Variants in NRXN1 observed in about 807,000 individuals in gnomAD.
NRXN1 encodes the protein neurexin 1.
A neutral mutation model predicts 150.9 loss-of-function variants in NRXN1; 39 were observed. That is an observed-to-expected ratio of 0.26 (90% confidence interval 0.20 to 0.34). The LOEUF (loss-of-function observed/expected upper bound fraction) is 0.34, where lower values mean the gene tolerates loss of function less well. NRXN1 is among the 10% of genes least tolerant of loss of function. The pLI is 1.00. For missense variants in NRXN1, 1,815 were observed against 1,949.9 expected, an observed-to-expected ratio of 0.93 and a Z score of 1.30; for synonymous variants, 924 against 757.0, an observed-to-expected ratio of 1.22 and a Z score of -3.62.
intron 5 of NRXN1, among the ~76,000 whole-genome samples, chr2:50,908,772 A>G (rs1684098446): frequency 6.6e-6 from 1 of 152,018 alleles, no homozygotes; most frequent in Non-Finnish European, 1.5e-5. Flanking sequence ...TTAGGATTAG[A>G]TAAGGTCATC....
intron 8 of NRXN1, among the ~76,000 whole-genome samples, chr2:50,606,267 A>AG (rs1385271008): frequency 6.6e-6 from 1 of 151,188 alleles, no homozygotes; most frequent in Non-Finnish European, 1.5e-5. Context: ...AAAAAAAAAA[A>AG]AAAAGAAGGA....
chr2:50,459,724 T>C (rs2087965345), intron 17 of NRXN1, among the ~76,000 whole-genome samples: 1 of 152,216 alleles, frequency 6.6e-6, no homozygotes, highest in Non-Finnish European at 1.5e-5. Context: ...CTAAGCCATT[T>C]ATTATTTGTA....
At chr2:50,741,540 T>C (rs1518527) in intron 5 of NRXN1, among the ~76,000 whole-genome samples, 4,474 of 152,290 alleles carry the variant, frequency 0.029, 294 homozygotes, top group East Asian at 0.18. Context: ...ATGAATACAA[T>C]TTTAAGTTTT....
chr2:50,109,179 G>A (rs1702049918), intron 18 of NRXN1, among the ~76,000 whole-genome samples: 1 of 152,118 alleles, frequency 6.6e-6, no homozygotes, highest in Admixed American at 6.5e-5. Flanking sequence ...GTCCATAATG[G>A]AAAGAATGAA....
intron 16 of NRXN1, among the ~76,000 whole-genome samples, chr2:50,471,235 T>C (rs2089428008): frequency 6.6e-6 from 1 of 151,778 alleles, no homozygotes; most frequent in African/African-American, 2.4e-5. Context: ...TAGGTGTTTT[T>C]TCATCATTCA....
At chr2:50,853,424 T>A (rs1205939237) in intron 5 of NRXN1, among the ~76,000 whole-genome samples, 4 of 152,136 alleles carry the variant, frequency 2.6e-5, no homozygotes, top group Admixed American at 2.0e-4. Flanking sequence ...TGTATCCATG[T>A]CACAAGTTTC....
At chr2:50,016,412 G>C (rs926258001) in intron 21 of NRXN1, 7 of 152,218 alleles carry the variant, frequency 4.6e-5, no homozygotes, top group Admixed American at 4.6e-4. Context: ...AAGCAGTGGG[G>C]CTATGTATTA....
At chr2:50,993,638 T>G (rs746381077) in intron 2 of NRXN1, among the ~76,000 whole-genome samples, 10 of 151,994 alleles carry the variant, frequency 6.6e-5, no homozygotes, top group Non-Finnish European at 8.8e-5. Flanking sequence ...TGCTAAAATA[T>G]TTTTCATTTC....
intron 8 of NRXN1, chr2:50,619,596 T>C (rs1041464991): frequency 3.7e-6 from 1 of 273,052 alleles, no homozygotes; most frequent in Non-Finnish European, 6.7e-6. Flanking sequence ...TTGAATTACA[T>C]AGTCGTTGCT....
At chr2:51,017,134 T>A (rs1183715006) in intron 2 of NRXN1, among the ~76,000 whole-genome samples, 2 of 151,894 alleles carry the variant, frequency 1.3e-5, no homozygotes, top group African/African-American at 4.8e-5. Context: ...GGGATATCAT[T>A]AGGAGAAATA....
chr2:50,236,929 T>A lies in NRXN1; in HGVS notation c.3406A>T (p.Thr1136Ser), dbSNP rs776886105. The change falls in exon 18 of 23, where the codon ACG (threonine) becomes TCG (serine). Residue 1136 changes from threonine to serine, a missense_variant. Around this residue, in one of 6 missense-constraint regions of NRXN1, gnomAD observed 339 missense variants for 440.3 expected, o/e 0.77. Coordinates refer to ENST00000401669, the MANE Select transcript of NRXN1 (RefSeq NM_001330078.2). ...CGGTCATTAGGAGGCCACTTATACG[T>A]GATTTGTCCACCACCTTTGCTAAAG... ...YIFSKGGGQI[T>S]YKWPPNDRPS... The A allele has an allele frequency of 1.2e-6, 2 of 1,613,256 alleles. No homozygotes were observed. Among genetic ancestry groups the A allele is most frequent in the African/African-American group, 2.7e-5 (2 of 74,862 alleles).
intron 5 of NRXN1, among the ~76,000 whole-genome samples, chr2:50,685,374 C>T (rs1034802227): frequency 7.2e-5 from 11 of 152,260 alleles, no homozygotes; most frequent in African/African-American, 2.4e-4. Flanking sequence ...GTTTCCTGAT[C>T]TGACCTTACT....
chr2:50,167,172 A>C (rs1467771093), intron 18 of NRXN1, among the ~76,000 whole-genome samples: 2 of 152,142 alleles, frequency 1.3e-5, no homozygotes, highest in Non-Finnish European at 2.9e-5. Context: ...ACTGATGAGG[A>C]ACTAAAAGAA....
chr2:50,244,708 A>G (rs2152890577), intron 17 of NRXN1, among the ~76,000 whole-genome samples: 1 of 152,000 alleles, frequency 6.6e-6, no homozygotes, highest in East Asian at 1.9e-4. Flanking sequence ...TAGGGTTACT[A>G]TGGTTAATAT....
At chr2:50,434,043 A>ATTTTTTTTT (rs748364051) in intron 17 of NRXN1, among the ~76,000 whole-genome samples, 2 of 72,152 alleles carry the variant, frequency 2.8e-5, no homozygotes, top group African/African-American at 5.5e-5. Flanking sequence ...TATCTAAGCC[A>ATTTTTTTTT]TTTTTTTTTT....
At chr2:50,618,788 A>G (rs1275940827) in intron 8 of NRXN1, among the ~76,000 whole-genome samples, 3 of 150,494 alleles carry the variant, frequency 2.0e-5, no homozygotes, top group African/African-American at 4.9e-5. Context: ...ATAAATAATA[A>G]TAATAATAAT....
At chr2:50,804,087 AT>A (rs774491922) in intron 5 of NRXN1, among the ~76,000 whole-genome samples, 1 of 152,160 alleles carries the variant, frequency 6.6e-6, no homozygotes, top group African/African-American at 2.4e-5. Flanking sequence ...TTTTACTGAC[AT>A]TTTTTCCAAT....
intron 9 of NRXN1, among the ~76,000 whole-genome samples, chr2:50,544,654 A>G (rs929250751): frequency 1.3e-5 from 2 of 152,150 alleles, no homozygotes; most frequent in African/African-American, 4.8e-5. Flanking sequence ...TGTAGATAAG[A>G]ATGTAAATTG....
chr2:50,495,022 C>G (rs912805379), intron 15 of NRXN1, among the ~76,000 whole-genome samples: 1 of 147,760 alleles, frequency 6.8e-6, no homozygotes, highest in Non-Finnish European at 1.5e-5. Context: ...CGGAGCAAGA[C>G]TCTGTCTCCA....
Sources: gnomAD v4.1 joint callset for allele counts (sites outside exome capture counted in the v4.1 genomes callset) on GRCh38, gnomAD v4.1.1 for gene constraint, gnomAD v4.1.1 regional missense constraint, MANE v1.5 for transcripts, NCBI Gene and HGNC (gene_info 2026-07-23, HGNC 2026-07-21) for gene names.